The following TGFBR3 variants were observed in gnomAD, a reference collection of about 807,000 sequenced individuals.
TGFBR3 encodes the protein transforming growth factor beta receptor 3.
Under a neutral mutation model 87.9 loss-of-function variants are expected in TGFBR3, and 46 were observed. That is an observed-to-expected ratio of 0.52 (90% CI 0.41 to 0.67). The LOEUF (loss-of-function observed/expected upper bound fraction) is 0.67. Among genes scored for constraint, TGFBR3 ranks in the 30% least tolerant of loss-of-function variants. TGFBR3 has a pLI of 0.00. For missense variants in TGFBR3, 866 were observed against 1,041.9 expected (o/e 0.83, Z 2.32); for synonymous variants, 381 against 391.6 (o/e 0.97, Z 0.32).
intron 3 of TGFBR3, among the ~76,000 whole-genome samples, chr1:91,774,480 G>GATGAGC (rs1674498509): frequency 6.6e-6 from 1 of 152,118 alleles, no homozygotes; most frequent in African/African-American, 2.4e-5. Flanking sequence ...GATACTGAAA[G>GATGAGC]ATGAGCAGGT....
chr1:91,688,118 A>G (rs377048208), intron 16 of TGFBR3, among the ~76,000 whole-genome samples: 9 of 152,214 alleles, frequency 5.9e-5, no homozygotes, highest in Admixed American at 2.0e-4. Context: ...AAAATTCTCC[A>G]GGAGGGGTGA....
At chr1:91,894,567 C>A (rs952829249) in intron 2 of TGFBR3, among the ~76,000 whole-genome samples, 1 of 152,180 alleles carries the variant, frequency 6.6e-6, no homozygotes, top group African/African-American at 2.4e-5. Flanking sequence ...TTTCATCTTA[C>A]CTAACTGCTC....
chr1:91,795,053 C>T (rs1414356904), intron 3 of TGFBR3, among the ~76,000 whole-genome samples: 2 of 152,216 alleles, frequency 1.3e-5, no homozygotes, highest in African/African-American at 4.8e-5. Context: ...TTCATTCTCT[C>T]GTCCTGACCC....
rs1428735299 is a variant in TGFBR3, at chr1:91,683,361, A to G, written c.*378T>C. 11 of 488,466 alleles carry G rather than the reference A, an allele frequency of 2.3e-5. No individual in the cohort carries two copies. The highest frequency in any genetic ancestry group is 1.5e-4 in the South Asian group (10 of 64,758). 30.3% of individuals were successfully genotyped at this position (488,466 alleles called of 1,614,324 possible). On this transcript the variant is annotated 3_prime_UTR_variant, in exon 17 of 17. Transcript: ENST00000212355. The stretch of plus-strand genomic sequence containing the variant: ...CTATCTGGCTATTAACCCTTTACCA[A>G]CTCCTTGAGTCTGGGTAAAACTCAG...
At chr1:91,817,360 C>T (rs995496325) in intron 2 of TGFBR3, among the ~76,000 whole-genome samples, 66 of 151,960 alleles carry the variant, frequency 4.3e-4, no homozygotes, top group African/African-American at 1.6e-3. Flanking sequence ...AGATGTAACC[C>T]CCTCTTCACA....
intron 6 of TGFBR3, chr1:91,728,057 G>T: frequency 1.9e-6 from 1 of 533,682 alleles, no homozygotes; most frequent in Admixed American, 3.1e-5. Flanking sequence ...TGGAAAAGAG[G>T]TGGTTACTTA....
chr1:91,697,942 G>A (rs1671485645), intron 15 of TGFBR3, 147 bp downstream of exon 15: 1 of 758,034 alleles, frequency 1.3e-6, no homozygotes, highest in African/African-American at 1.7e-5. Flanking sequence ...AAAAATATGA[G>A]CAAAAAGGGG....
intron 16 of TGFBR3, 142 bp from the exon 17 acceptor site, chr1:91,683,999 G>A (rs889771607): frequency 2.8e-6 from 2 of 705,162 alleles, no homozygotes; most frequent in East Asian, 2.7e-5. Context: ...CTAGGTCCTA[G>A]ATGGCTGGAA....
At chr1:91,831,562 C>T (rs949555328) in intron 2 of TGFBR3, among the ~76,000 whole-genome samples, 1 of 152,178 alleles carries the variant, frequency 6.6e-6, no homozygotes, top group Non-Finnish European at 1.5e-5. Flanking sequence ...AAAGGTAAAC[C>T]TGCAGATTTG....
At chr1:91,760,441 C>T (rs978280277) in intron 3 of TGFBR3, among the ~76,000 whole-genome samples, 2 of 152,070 alleles carry the variant, frequency 1.3e-5, no homozygotes, top group African/African-American at 4.8e-5. Context: ...AAAAACTGTG[C>T]TTAACATAGA....
chr1:91,810,680 G>A (rs1022011606), intron 2 of TGFBR3, among the ~76,000 whole-genome samples: 10 of 152,178 alleles, frequency 6.6e-5, no homozygotes, highest in African/African-American at 1.9e-4. Flanking sequence ...AGTCTCCTAC[G>A]TTTAATCCCA....
chr1:91,869,874 T>C (rs1477265507), intron 1 of TGFBR3, among the ~76,000 whole-genome samples: 1 of 152,220 alleles, frequency 6.6e-6, no homozygotes, highest in Non-Finnish European at 1.5e-5. Context: ...TTTTATTCTA[T>C]ATCATACTAT....
intron 2 of TGFBR3, among the ~76,000 whole-genome samples, chr1:91,834,775 T>C (rs1029831937): frequency 5.3e-5 from 8 of 152,098 alleles, no homozygotes; most frequent in African/African-American, 1.9e-4. Context: ...GCCTCCTGGG[T>C]TCAAGCCATT....
At chr1:91,840,189 G>T (rs2101112519) in intron 2 of TGFBR3, among the ~76,000 whole-genome samples, 1 of 151,590 alleles carries the variant, frequency 6.6e-6, no homozygotes, top group East Asian at 1.9e-4. Flanking sequence ...GGGTATGGTG[G>T]CGTGCACCTG....
chr1:91,873,590 C>A (rs1678673384), intron 1 of TGFBR3, among the ~76,000 whole-genome samples: 1 of 152,170 alleles, frequency 6.6e-6, no homozygotes, highest in East Asian at 1.9e-4. Flanking sequence ...CCTGAGCCAA[C>A]ACGCCTGGCC....
Position 91,719,452 on chromosome 1 carries a change from A to C in TGFBR3, c.1426T>G (p.Ser476Ala). 1 of 1,614,106 alleles carries C rather than the reference A, an allele frequency of 6.2e-7. No homozygotes were observed. Among genetic ancestry groups the C allele is most frequent in the Non-Finnish European group, 8.5e-7 (1 of 1,180,014 alleles). The change falls in exon 10 of 17, where the codon TCG (serine) becomes GCG (alanine). Residue 476 changes from serine (S) to alanine (A), a missense_variant. Transcript: ENST00000212355. ...TCCAACAGGGTGACGTCCATCCCCGAGTAGCCACTGGCCTAAAACAACAAC... is the reference window on the plus strand; with the variant it reads ...TCCAACAGGGTGACGTCCATCCCCGCGTAGCCACTGGCCTAAAACAACAAC... Reference protein sequence around the residue: ...EKDSFQASGYSGMDVTLLDPT... With the variant: ...EKDSFQASGYAGMDVTLLDPT...
At chr1:91,861,342 G>T in intron 2 of TGFBR3, 129 bp downstream of exon 2, 1 of 741,448 alleles carries the variant, frequency 1.3e-6, no homozygotes, top group Non-Finnish European at 2.4e-6. Context: ...AGAGCCTACA[G>T]TAAGCCATGA....
At chr1:91,748,294 G>T (rs1673416337) in intron 4 of TGFBR3, among the ~76,000 whole-genome samples, 1 of 152,180 alleles carries the variant, frequency 6.6e-6, no homozygotes, top group African/African-American at 2.4e-5. Context: ...TCAAAGCAAA[G>T]AAGGTTGAAC....
chr1:91,694,407 C>A (rs1671363539), intron 16 of TGFBR3, among the ~76,000 whole-genome samples: 2 of 152,166 alleles, frequency 1.3e-5, no homozygotes, highest in Admixed American at 6.5e-5. Flanking sequence ...GGGTGAATGT[C>A]CCATGCTAGG....
Sources: allele counts gnomAD v4.1 joint callset (sites outside exome capture counted in the v4.1 genomes callset), GRCh38; gene constraint gnomAD v4.1.1; transcripts MANE v1.5; gene names NCBI Gene and HGNC (gene_info 2026-07-23, HGNC 2026-07-21).